The following CAPN9 variants were observed in gnomAD, a reference collection of about 807,000 sequenced individuals.
The protein encoded by CAPN9 is calpain-9.
A neutral mutation model predicts 92.8 loss-of-function variants in CAPN9; 81 were observed. The observed-to-expected ratio is 0.87, with a 90% CI of 0.73 to 1.05. CAPN9 has a LOEUF of 1.05. CAPN9 is among the 50% of genes least tolerant of loss of function. CAPN9 has a pLI of 0.00. For missense variants in CAPN9, 848 were observed against 866.2 expected, an observed-to-expected ratio of 0.98 and a Z score of 0.26; for synonymous variants, 304 against 328.0, an observed-to-expected ratio of 0.93 and a Z score of 0.79.
At chr1:230,771,085 C>T (rs1292824378) in intron 6 of CAPN9, among the ~76,000 whole-genome samples, 1 of 152,152 alleles carries the variant, frequency 6.6e-6, no homozygotes, top group East Asian at 1.9e-4. Context: ...CAACAGAAAC[C>T]TCTCATCATC....
chr1:230,766,023 C>G (rs2185101), intron 4 of CAPN9, among the ~76,000 whole-genome samples: 82,186 of 151,968 alleles, frequency 0.54, 22,337 homozygotes, highest in African/African-American at 0.59. Flanking sequence ...CTCTTGATAT[C>G]ATGAGATGAG....
rs1038429345 is a variant in CAPN9, at chr1:230,791,171, A to G, written c.1658-693A>G. On this transcript the variant is annotated intron_variant, in intron 14 of 19. Transcript: ENST00000271971. The stretch of plus-strand genomic sequence containing the variant: ...TTACCGGTTTTTGGTCATTATGAAT[A>G]ATGCAACTGTAAACACTCCTATACA... 8.5e-5 allele frequency among the ~76,000 whole-genome samples: 13 copies of G among 152,126 alleles called. 1 individual carries two copies. The highest frequency in any genetic ancestry group is 7.9e-4 in the Admixed American group (12 of 15,284).
At chr1:230,756,660 G>A (rs1261243420) in intron 2 of CAPN9, among the ~76,000 whole-genome samples, 1 of 152,180 alleles carries the variant, frequency 6.6e-6, no homozygotes, top group African/African-American at 2.4e-5. Context: ...TCCAGGCTGA[G>A]CGTGATGGCT....
intron 8 of CAPN9, 147 bp from the exon 9 acceptor site, chr1:230,778,826 C>T (rs1558104219): frequency 1.1e-5 from 7 of 627,126 alleles, no homozygotes; most frequent in Non-Finnish European, 1.5e-5. Context: ...AAAAATTTTC[C>T]ATCTCCCCAC....
chr1:230,768,053 T>A (rs1215658724), intron 5 of CAPN9, among the ~76,000 whole-genome samples: 28 of 69,884 alleles, frequency 4.0e-4, no homozygotes, highest in South Asian at 3.5e-3. Context: ...AATAAATAAA[T>A]AAAAAATAAA....
chr1:230,759,761 T>C, intron 3 of CAPN9, 131 bp downstream of exon 3: 1 of 522,494 alleles, frequency 1.9e-6, no homozygotes, highest in Non-Finnish European at 3.3e-6. Context: ...TCCTAAACCA[T>C]GCTAAAGCCA....
intron 1 of CAPN9, among the ~76,000 whole-genome samples, chr1:230,754,500 C>T (rs2493148): frequency 0.65 from 98,268 of 151,514 alleles, 32,079 homozygotes; most frequent in Non-Finnish European, 0.69. Context: ...TTTACCTAAG[C>T]GCATCTCTGT....
At chr1:230,780,815 T>C in intron 11 of CAPN9, 107 bp downstream of exon 11, 1 of 813,220 alleles carries the variant, frequency 1.2e-6, no homozygotes. Flanking sequence ...CCCTTTCCCA[T>C]GTGTACCTGA....
chr1:230,757,527 T>A (rs1665317230), intron 2 of CAPN9, among the ~76,000 whole-genome samples: 1 of 152,104 alleles, frequency 6.6e-6, no homozygotes, highest in Non-Finnish European at 1.5e-5. Flanking sequence ...ACATGGCATA[T>A]ATATGTTATA....
intron 5 of CAPN9, among the ~76,000 whole-genome samples, chr1:230,768,942 C>G (rs1191813313): frequency 6.6e-6 from 1 of 152,220 alleles, no homozygotes; most frequent in Non-Finnish European, 1.5e-5. Flanking sequence ...GTGAACTGTT[C>G]TTTGGAGTCC....
chr1:230,765,206 A>G (rs985719807), intron 4 of CAPN9, among the ~76,000 whole-genome samples: 2 of 126,148 alleles, frequency 1.6e-5, no homozygotes, highest in Non-Finnish European at 3.3e-5. Context: ...ATGAGAACAC[A>G]TGCAAGACAC....
In CAPN9 at chr1:230,780,192, C is replaced by G; in HGVS notation, c.1128C>G (p.Thr376=). ...CCCAAATGACAGATACCTTTTGGAC[C>G]AATCCACAAATAAAATTGTCTCTGA... ...GCRNFLDTFW[T]NPQIKLSLTE... is the part of the protein sequence containing the mutation. The change falls in exon 10 of 20, where the codon ACC becomes ACG. Residue 376 remains threonine, a synonymous_variant. Transcript: ENST00000271971. The G allele has an allele frequency of 1.2e-6, 2 of 1,612,554 alleles. No individual in the cohort carries two copies. Among genetic ancestry groups the G allele is most frequent in the Non-Finnish European group, 1.7e-6 (2 of 1,179,474 alleles).
intron 4 of CAPN9, among the ~76,000 whole-genome samples, chr1:230,766,616 G>A (rs1287845586): frequency 6.6e-6 from 1 of 152,210 alleles, no homozygotes; most frequent in African/African-American, 2.4e-5. Flanking sequence ...TCCTGGGTGG[G>A]ATTCTGGAAC....
At chr1:230,750,314 T>C (rs1257784570) in intron 1 of CAPN9, among the ~76,000 whole-genome samples, 2 of 152,202 alleles carry the variant, frequency 1.3e-5, no homozygotes, top group Non-Finnish European at 2.9e-5. Flanking sequence ...AGGTCTACTG[T>C]GTTGCTGTCG....
chr1:230,788,906 G>A (rs1445926201), intron 13 of CAPN9, among the ~76,000 whole-genome samples: 1 of 152,202 alleles, frequency 6.6e-6, no homozygotes, highest in Admixed American at 6.5e-5. Flanking sequence ...GAATGTTGCA[G>A]GAGTTTCAGT....
At position 230,787,507 on chromosome 1, in the gene CAPN9, T is replaced by C. The variant is rs1667688621; in HGVS notation, c.1519-15T>C. On this transcript the variant is annotated splice_polypyrimidine_tract_variant and intron_variant, in intron 12 of 19. Transcript: ENST00000271971. ...TGTGGATCATTTTGTGCAAGTTTCT[T>C]TGGCTGTTTTTTAGCCTCCAAAGCC... 1.2e-6 allele frequency: 2 copies of C among 1,610,070 alleles called. No individual in the cohort carries two copies. Among genetic ancestry groups the C allele is most frequent in the Non-Finnish European group, 1.7e-6 (2 of 1,176,510 alleles).
chr1:230,791,009 G>A (rs1204250703), intron 14 of CAPN9, among the ~76,000 whole-genome samples: 1 of 152,192 alleles, frequency 6.6e-6, no homozygotes, highest in African/African-American at 2.4e-5. Context: ...TTTCTCACAT[G>A]GTGTGATGTT....
At chr1:230,750,358 C>G (rs934195716) in intron 1 of CAPN9, among the ~76,000 whole-genome samples, 2 of 152,204 alleles carry the variant, frequency 1.3e-5, no homozygotes. Flanking sequence ...TCTGTTCTGC[C>G]TTTTCCTTTG....
At chr1:230,751,590 AAAG>A in intron 1 of CAPN9, among the ~76,000 whole-genome samples, 1 of 8,356 alleles carries the variant, frequency 1.2e-4, no homozygotes, top group East Asian at 6.8e-3. Flanking sequence ...AGAAACAAAG[AAAG>A]AAAGAAAGAA....
Sources: allele counts gnomAD v4.1 joint callset (sites outside exome capture counted in the v4.1 genomes callset), GRCh38; gene constraint gnomAD v4.1.1; transcripts MANE v1.5; gene names NCBI Gene and HGNC (gene_info 2026-07-23, HGNC 2026-07-21).